The following RYR2 variants were observed in gnomAD, a reference collection of about 807,000 sequenced individuals.
RYR2 encodes the protein ryanodine receptor 2.
A neutral mutation model predicts 601.1 loss-of-function variants in RYR2; 227 were observed. The observed-to-expected ratio is 0.38, with a 90% confidence interval of 0.34 to 0.42. The LOEUF is 0.42. Among genes scored for constraint, RYR2 ranks in the 10% least tolerant of loss-of-function variants. The pLI is 1.00. For missense variants in RYR2, 4,646 were observed against 6,156.5 expected, an observed-to-expected ratio of 0.75 and a Z score of 8.21; for synonymous variants, 2,223 against 2,175.1, an observed-to-expected ratio of 1.02 and a Z score of -0.61.
Position 237,143,996 on chromosome 1 carries a change from A to T in RYR2, c.48+101427A>T, listed in dbSNP as rs192156963. Among the ~76,000 whole-genome samples, 119 of 152,112 alleles carry T rather than the reference A, an allele frequency of 7.8e-4. No homozygotes were observed. In the Middle Eastern group the frequency reaches 0.024, roughly 30 times the overall value. ...ATACAAAAATTAGCTGCGCATGGTG[A>T]CATGCGCCTGTAGTCCCAGCTACTC... On this transcript the variant is annotated intron_variant, in intron 1 of 104. Transcript: ENST00000366574.
At chr1:237,684,554 T>C (rs2148955663) in intron 62 of RYR2, among the ~76,000 whole-genome samples, 1 of 152,220 alleles carries the variant, frequency 6.6e-6, no homozygotes, top group East Asian at 1.9e-4. Flanking sequence ...ATTTCAACTC[T>C]GGGTAGTTGG....
At chr1:237,363,726 T>C (rs1456461475) in intron 4 of RYR2, among the ~76,000 whole-genome samples, 1 of 152,158 alleles carries the variant, frequency 6.6e-6, no homozygotes, top group Middle Eastern at 3.2e-3. Context: ...GTACACATTA[T>C]GTTTTGTAGA....
At chr1:237,156,824 C>T (rs1335704083) in intron 1 of RYR2, among the ~76,000 whole-genome samples, 1 of 152,166 alleles carries the variant, frequency 6.6e-6, no homozygotes, top group Non-Finnish European at 1.5e-5. Flanking sequence ...CCTTTGATTT[C>T]ATCCTGTATT....
chr1:237,681,432 A>G (rs1685876069), intron 62 of RYR2, among the ~76,000 whole-genome samples: 1 of 152,146 alleles, frequency 6.6e-6, no homozygotes, highest in Non-Finnish European at 1.5e-5. Context: ...TTCCTGCACT[A>G]CGTAACACTG....
intron 79 of RYR2, among the ~76,000 whole-genome samples, chr1:237,737,565 TTTAA>T (rs1336906384): frequency 1.6e-4 from 25 of 152,232 alleles, no homozygotes; most frequent in Non-Finnish European, 4.4e-5. Flanking sequence ...CTTTTAATTT[TTTAA>T]TTAAGTATAT....
intron 77 of RYR2, 142 bp downstream of exon 77, chr1:237,730,498 T>C (rs1434930909): frequency 4.0e-6 from 2 of 497,092 alleles, no homozygotes; most frequent in East Asian, 3.0e-5. Context: ...ATCTTAATTG[T>C]TACTGCATTC....
intron 11 of RYR2, 25 bp from the exon 12 acceptor site, chr1:237,423,067 A>T (rs370317511): frequency 1.9e-6 from 3 of 1,600,610 alleles, no homozygotes; most frequent in Non-Finnish European, 2.6e-6. Context: ...GTGCTATTGG[A>T]TCAAGTCCTA....
At chr1:237,208,926 A>ATGTGTGTG (rs143152668) in intron 1 of RYR2, among the ~76,000 whole-genome samples, 22 of 87,354 alleles carry the variant, frequency 2.5e-4, no homozygotes, top group Non-Finnish European at 3.0e-4. Flanking sequence ...GTACAACCAA[A>ATGTGTGTG]TGTGTGTGTG....
At chr1:237,250,440 T>A (rs1207378386) in intron 1 of RYR2, among the ~76,000 whole-genome samples, 1 of 152,178 alleles carries the variant, frequency 6.6e-6, no homozygotes, top group Non-Finnish European at 1.5e-5. Flanking sequence ...TACCATGCAT[T>A]TCCTTGGTAT....
At chr1:237,396,786 C>T (rs551464594) in intron 10 of RYR2, among the ~76,000 whole-genome samples, 1 of 152,288 alleles carries the variant, frequency 6.6e-6, no homozygotes, top group South Asian at 2.1e-4. Context: ...CAAACATACA[C>T]AAAAGAGAAC....
At position 237,610,591 on chromosome 1, in the gene RYR2, C is replaced by T. The variant is rs1403649385; in HGVS notation, c.4684-171C>T. Among the ~76,000 whole-genome samples the T allele has an allele frequency of 1.3e-5, 2 of 152,108 alleles. No individual in the cohort carries two copies. The highest frequency in any genetic ancestry group is 2.9e-5 in the Non-Finnish European group (2 of 68,030). ...TCTCATAATGTATTTCCTGGTTTGTCCTTTCAGAAACTTTTCAACCCAATT... is the reference window on the plus strand; with the variant it reads ...TCTCATAATGTATTTCCTGGTTTGTTCTTTCAGAAACTTTTCAACCCAATT... On this transcript the variant is annotated intron_variant, in intron 35 of 104. Transcript: ENST00000366574. This position sits in a 1 kb window ranked among gnomAD's most constrained non-coding sequence, Gnocchi z 4.9.
At chr1:237,552,356 A>G (rs900756422) in intron 27 of RYR2, among the ~76,000 whole-genome samples, 59 of 152,166 alleles carry the variant, frequency 3.9e-4, no homozygotes, top group African/African-American at 1.4e-3. Flanking sequence ...TTAAATTGAA[A>G]TAGAAATTGT....
At chr1:237,727,592 A>C (rs930657703) in intron 76 of RYR2, among the ~76,000 whole-genome samples, 2 of 152,074 alleles carry the variant, frequency 1.3e-5, no homozygotes, top group African/African-American at 2.4e-5. Flanking sequence ...GAATTTTCTC[A>C]TCTGTATCAT....
intron 10 of RYR2, among the ~76,000 whole-genome samples, chr1:237,408,680 T>G (rs974684217): frequency 1.3e-5 from 2 of 152,126 alleles, no homozygotes; most frequent in African/African-American, 4.8e-5. Context: ...ACTTCTCATA[T>G]AAACTTTAGA....
chr1:237,081,280 T>TAAA (rs397815900), intron 1 of RYR2, among the ~76,000 whole-genome samples: 101 of 55,634 alleles, frequency 1.8e-3, no homozygotes, highest in South Asian at 7.4e-3. Context: ...TAGAGTATAA[T>TAAA]AAAAAAAAAA....
At chr1:237,179,980 T>C (rs902628227) in intron 1 of RYR2, among the ~76,000 whole-genome samples, 2 of 152,068 alleles carry the variant, frequency 1.3e-5, no homozygotes, top group East Asian at 1.9e-4. Context: ...AGGTTTCAGA[T>C]TGGCAGTGGC....
chr1:237,213,947 G>A (rs1200293262), intron 1 of RYR2, among the ~76,000 whole-genome samples: 1 of 108,078 alleles, frequency 9.3e-6, no homozygotes, highest in Non-Finnish European at 1.8e-5. Flanking sequence ...TTTAGACAGA[G>A]TCTTGAGCTG....
intron 5 of RYR2, among the ~76,000 whole-genome samples, chr1:237,366,519 A>G (rs1700205226): frequency 6.6e-6 from 1 of 152,142 alleles, no homozygotes; most frequent in African/African-American, 2.4e-5. Flanking sequence ...TTCTGGGCTC[A>G]GCCTCCTAGG....
At chr1:237,081,464 C>G (rs1354829001) in intron 1 of RYR2, among the ~76,000 whole-genome samples, 1 of 150,138 alleles carries the variant, frequency 6.7e-6, no homozygotes, top group African/African-American at 2.4e-5. Flanking sequence ...CACAGGAGGA[C>G]CCTGTCTTTC....
Sources: gnomAD v4.1 joint callset for allele counts (sites outside exome capture counted in the v4.1 genomes callset) on GRCh38, gnomAD v4.1.1 for gene constraint, Gnocchi (gnomAD v3.1) non-coding constraint, MANE v1.5 for transcripts, NCBI Gene and HGNC (gene_info 2026-07-23, HGNC 2026-07-21) for gene names.